The following TRIM2 variants were observed in gnomAD, a reference collection of about 807,000 sequenced individuals.
TRIM2 encodes the protein tripartite motif containing 2.
TRIM2 carries 20 observed loss-of-function variants against 75.2 expected under a neutral mutation model. The ratio of observed to expected loss-of-function variants is 0.27; its 90% CI spans 0.19 to 0.39. TRIM2 has a LOEUF of 0.39. TRIM2 is among the 10% of genes least tolerant of loss of function. TRIM2 has a pLI of 1.00. For synonymous variants in TRIM2, 373 were observed against 388.3 expected (o/e 0.96, Z 0.46); for missense variants, 660 against 990.8 (o/e 0.67, Z 4.48).
At chr4:153,235,319 C>T (rs1466620544) in intron 1 of TRIM2, among the ~76,000 whole-genome samples, 1 of 151,316 alleles carries the variant, frequency 6.6e-6, no homozygotes, top group Non-Finnish European at 1.5e-5. Flanking sequence ...AGGTCTTGCT[C>T]TGTTGCCCAG....
At chr4:153,276,323 A>G in intron 3 of TRIM2, 193 bp downstream of exon 3, 1 of 601,938 alleles carries the variant, frequency 1.7e-6, no homozygotes, top group South Asian at 2.0e-5. Context: ...AACGAAATCA[A>G]TCTCCACTGT....
intron 3 of TRIM2, among the ~76,000 whole-genome samples, chr4:153,279,412 CAT>C (rs926673406): frequency 1.3e-4 from 20 of 152,070 alleles, no homozygotes; most frequent in Non-Finnish European, 2.6e-4. Flanking sequence ...ATTAGTAACA[CAT>C]GTTTATGGGG....
intron 4 of TRIM2, 27 bp downstream of exon 4, chr4:153,293,160 A>G (rs1762155819): frequency 6.3e-7 from 1 of 1,586,152 alleles, no homozygotes; most frequent in East Asian, 2.3e-5. Context: ...CAAACCCCCA[A>G]CTGGCTGCCT....
At chr4:153,188,315 T>C (rs11724666) in intron 1 of TRIM2, among the ~76,000 whole-genome samples, 38,064 of 151,892 alleles carry the variant, frequency 0.25, 5,489 homozygotes, top group African/African-American at 0.4. Context: ...CAGAAGTTAG[T>C]GGGGCATGGT....
intron 1 of TRIM2, among the ~76,000 whole-genome samples, chr4:153,243,728 A>T (rs752663670): frequency 1.4e-4 from 21 of 152,116 alleles, no homozygotes; most frequent in African/African-American, 4.6e-4. Context: ...ATCAGGCTAG[A>T]TAAGCAAATT....
intron 1 of TRIM2, among the ~76,000 whole-genome samples, chr4:153,268,139 C>T (rs758905084): frequency 6.6e-5 from 10 of 152,194 alleles, no homozygotes; most frequent in Non-Finnish European, 1.2e-4. Context: ...TGGGTGGTGT[C>T]AGCTGATCCA....
chr4:153,333,201 TG>T (rs1175905502), intron 11 of TRIM2, among the ~76,000 whole-genome samples: 1 of 152,098 alleles, frequency 6.6e-6, no homozygotes, highest in African/African-American at 2.4e-5. Flanking sequence ...TGATGCTGAG[TG>T]AAAAAAAGCC....
At chr4:153,332,151 A>G (rs62323749) in intron 11 of TRIM2, among the ~76,000 whole-genome samples, 42,438 of 152,078 alleles carry the variant, frequency 0.28, 6,245 homozygotes, top group South Asian at 0.37. Context: ...TCCATAAAAG[A>G]AAAACAATTA....
chr4:153,180,778 A>G (rs975452901), intron 1 of TRIM2, among the ~76,000 whole-genome samples: 1 of 152,186 alleles, frequency 6.6e-6, no homozygotes, highest in Non-Finnish European at 1.5e-5. Flanking sequence ...GCACCTGGCC[A>G]CCTAGAAATA....
At chr4:153,237,060 C>T (rs1745224496) in intron 1 of TRIM2, among the ~76,000 whole-genome samples, 2 of 152,132 alleles carry the variant, frequency 1.3e-5, no homozygotes, top group Non-Finnish European at 2.9e-5. Flanking sequence ...CTTGTCTTTT[C>T]TCATAAGTGT....
chr4:153,217,589 T>G (rs1309651120), intron 1 of TRIM2, among the ~76,000 whole-genome samples: 2 of 152,186 alleles, frequency 1.3e-5, no homozygotes, highest in African/African-American at 4.8e-5. Flanking sequence ...TGCTTGACAA[T>G]CTGAACATAC....
chr4:153,246,819 C>T (rs1304912567), intron 1 of TRIM2, among the ~76,000 whole-genome samples: 2 of 152,170 alleles, frequency 1.3e-5, no homozygotes, highest in African/African-American at 2.4e-5. Flanking sequence ...CTCACCTGAC[C>T]GTGCACACAT....
Position 153,194,264 on chromosome 4 carries a change from G to A in TRIM2, c.-49+40994G>A, listed in dbSNP as rs773765804. Among the ~76,000 whole-genome samples, 3 of 152,248 alleles carry A rather than the reference G, an allele frequency of 2.0e-5. No individual in the cohort carries two copies. The South Asian group carries it at 6.2e-4, about 32-fold the overall frequency. ...TCTTAGATTATCAAATATATTCATC[G>A]ATTAAAACTTCTTTAAGAAGTGAGT... On this transcript the variant is annotated intron_variant, in intron 1 of 11. Coordinates refer to the TRIM2 transcript ENST00000437508.
At chr4:153,290,668 C>T (rs1285563021) in intron 3 of TRIM2, among the ~76,000 whole-genome samples, 1 of 152,068 alleles carries the variant, frequency 6.6e-6, no homozygotes, top group African/African-American at 2.4e-5. Context: ...GCTCCGATAC[C>T]CAGGCTGGAG....
Position 153,318,906 on chromosome 4 carries a change from T to C in TRIM2, c.1782+2907T>C, listed in dbSNP as rs944891256. 3.9e-5 allele frequency among the ~76,000 whole-genome samples: 6 copies of C among 152,102 alleles called. No individual in the cohort carries two copies. The East Asian group carries it at 5.8e-4, about 15-fold the overall frequency. The stretch of plus-strand genomic sequence containing the variant: ...AAGAACACTCATGCCCCCTAGAGGA[T>C]TGGGGGAGTGGAGGTGGTGTAGTTT... On this transcript the variant is annotated intron_variant, in intron 8 of 11. Transcript: ENST00000338700.
At chr4:153,262,510 A>C (rs1181500216) in intron 1 of TRIM2, among the ~76,000 whole-genome samples, 1 of 152,178 alleles carries the variant, frequency 6.6e-6, no homozygotes, top group Non-Finnish European at 1.5e-5. Context: ...GTTTTACAAT[A>C]GTGATGTTTT....
chr4:153,282,978 T>G lies in TRIM2; in HGVS notation c.453+6848T>G, dbSNP rs28810681. ...AATTTTTTTTTTAAGAGATAGGTTT[T>G]GCTATGTTGCCCAGGCTGGTCTCCA... On this transcript the variant is annotated intron_variant, in intron 3 of 11. Coordinates refer to ENST00000338700, the MANE Select transcript of TRIM2 (RefSeq NM_015271.5). Among the ~76,000 whole-genome samples the G allele has an allele frequency of 4.0e-3, 612 of 151,798 alleles. 4 individuals are homozygous for G. The highest frequency in any genetic ancestry group is 0.012 in the African/African-American group (511 of 41,394).
intron 1 of TRIM2, among the ~76,000 whole-genome samples, chr4:153,245,383 C>T (rs1748860848): frequency 6.6e-6 from 1 of 152,196 alleles, no homozygotes; most frequent in Non-Finnish European, 1.5e-5. Context: ...TACAGACCCA[C>T]CAACTGGATT....
rs1747343532 is a variant in TRIM2, at chr4:153,243,820, C to CTTT, written c.31-26515_31-26514insTTT. On this transcript the variant is annotated intron_variant, in intron 1 of 11. Transcript: ENST00000338700. Reference sequence around the variant, plus strand: ...CTCCTCCCCCTCCTTTTTTTTTTTCCCCCCCCCCTTGAGACAGGATCTCTC... The same window carrying CTTT: ...CTCCTCCCCCTCCTTTTTTTTTTTCCTTTCCCCCCCCTTGAGACAGGATCTCTC... Among the ~76,000 whole-genome samples, 11 of 87,476 alleles carry CTTT rather than the reference C, an allele frequency of 1.3e-4. 1 individual carries two copies. The highest frequency in any genetic ancestry group is 4.4e-4 in the South Asian group (1 of 2,272). The allele number at this position is 87,476 out of a possible 152,430, so 57.4% of individuals were successfully genotyped here.
Sources: gnomAD v4.1 joint callset for allele counts (sites outside exome capture counted in the v4.1 genomes callset) on GRCh38, gnomAD v4.1.1 for gene constraint, MANE v1.5 for transcripts, NCBI Gene and HGNC (gene_info 2026-07-23, HGNC 2026-07-21) for gene names.